The following PBX3 variants were observed in gnomAD, a reference collection of about 807,000 sequenced individuals.
PBX3 encodes pre-B-cell leukemia transcription factor 3.
Under a neutral mutation model 48.5 loss-of-function variants are expected in PBX3, and 14 were observed. The ratio of observed to expected loss-of-function variants is 0.29; its 90% CI spans 0.19 to 0.45. The LOEUF (loss-of-function observed/expected upper bound fraction) is 0.45. Among genes scored for constraint, PBX3 ranks in the 20% least tolerant of loss-of-function variants. The pLI is 1.00. For missense variants in PBX3, 386 were observed against 546.7 expected, an observed-to-expected ratio of 0.71 and a Z score of 2.93; for synonymous variants, 210 against 200.3, an observed-to-expected ratio of 1.05 and a Z score of -0.41.
At chr9:125,791,915 C>G (rs78691265) in intron 2 of PBX3, among the ~76,000 whole-genome samples, 5,458 of 152,038 alleles carry the variant, frequency 0.036, 345 homozygotes, top group African/African-American at 0.12. Flanking sequence ...TTCCTTAAGC[C>G]TCTCCAGCCG....
At chr9:125,803,000 A>G (rs1838009659) in intron 2 of PBX3, among the ~76,000 whole-genome samples, 2 of 151,406 alleles carry the variant, frequency 1.3e-5, no homozygotes, top group African/African-American at 2.4e-5. Flanking sequence ...AGAAGATACA[A>G]TGATACTCTG....
rs768034446 is a variant in PBX3 at position 125,866,865 on chromosome 9, A to G, written c.275-48821A>G. Among the ~76,000 whole-genome samples the G allele has an allele frequency of 3.3e-5, 5 of 152,156 alleles. No homozygotes were observed. The South Asian group carries it at 8.3e-4, about 25-fold the overall frequency. On this transcript the variant is annotated intron_variant, in intron 2 of 8. Coordinates refer to ENST00000373489, the MANE Select transcript of PBX3 (RefSeq NM_006195.6). ...CTTTGGTGATTTCCATGGTACCTCA[A>G]TACTGAATTTGATTACTCTTTGATT... is the stretch of plus-strand genomic sequence containing the variant.
chr9:125,795,003 C>A (rs75759301), intron 2 of PBX3, among the ~76,000 whole-genome samples: 3,066 of 152,320 alleles, frequency 0.02, 174 homozygotes, highest in East Asian at 0.17. Flanking sequence ...CTCCGGCAGA[C>A]CAGCCTTTTA....
intron 5 of PBX3, among the ~76,000 whole-genome samples, chr9:125,951,115 C>G (rs1278529608): frequency 2.0e-5 from 3 of 152,114 alleles, no homozygotes; most frequent in Non-Finnish European, 2.9e-5. Context: ...ATAATACATG[C>G]AAAGTTCCTA....
At chr9:125,818,017 A>G (rs1384780431) in intron 2 of PBX3, among the ~76,000 whole-genome samples, 1 of 152,142 alleles carries the variant, frequency 6.6e-6, no homozygotes, top group Non-Finnish European at 1.5e-5. Flanking sequence ...ACTGGCCAAC[A>G]TGGTGACATC....
intron 2 of PBX3, among the ~76,000 whole-genome samples, chr9:125,755,184 T>A (rs1289935379): frequency 2.6e-5 from 4 of 152,090 alleles, no homozygotes; most frequent in Non-Finnish European, 5.9e-5. Context: ...CATTAAAAAA[T>A]TCATAAATTT....
At chr9:125,862,631 C>T (rs375194231) in intron 2 of PBX3, among the ~76,000 whole-genome samples, 10 of 152,054 alleles carry the variant, frequency 6.6e-5, no homozygotes, top group Admixed American at 3.3e-4. Flanking sequence ...GTGATCAGCC[C>T]GCCTTGGACT....
At chr9:125,815,879 C>T (rs1032831661) in intron 2 of PBX3, among the ~76,000 whole-genome samples, 1 of 152,128 alleles carries the variant, frequency 6.6e-6, no homozygotes, top group African/African-American at 2.4e-5. Context: ...ATTTGGGCCT[C>T]CTTCACTGTG....
chr9:125,865,146 G>A (rs991882991), intron 2 of PBX3: 13 of 164,302 alleles, frequency 7.9e-5, no homozygotes, highest in Admixed American at 6.5e-4. Flanking sequence ...GAAAGCTCTG[G>A]AATCTTCATG....
chr9:125,839,300 A>G (rs1839222853), intron 2 of PBX3, among the ~76,000 whole-genome samples: 1 of 152,230 alleles, frequency 6.6e-6, no homozygotes, highest in Admixed American at 6.5e-5. Context: ...GTTAAATCTC[A>G]TTCATTGTTG....
At chr9:125,763,826 CAG>C (rs1264166681) in intron 2 of PBX3, among the ~76,000 whole-genome samples, 1 of 152,154 alleles carries the variant, frequency 6.6e-6, no homozygotes, top group Non-Finnish European at 1.5e-5. Flanking sequence ...AGAGGTCACA[CAG>C]AGTACATTAT....
At chr9:125,761,829 A>G (rs1002004274) in intron 2 of PBX3, among the ~76,000 whole-genome samples, 4 of 152,172 alleles carry the variant, frequency 2.6e-5, no homozygotes, top group African/African-American at 9.7e-5. Flanking sequence ...TTATTAGTAT[A>G]AAGAGGGTCA....
intron 2 of PBX3, among the ~76,000 whole-genome samples, chr9:125,784,821 C>T (rs777760812): frequency 4.6e-5 from 6 of 129,178 alleles, no homozygotes; most frequent in Non-Finnish European, 8.8e-5. Flanking sequence ...TCATTTACGA[C>T]TGTGCCTTAG....
chr9:125,802,029 C>T (rs1218463943), intron 2 of PBX3, among the ~76,000 whole-genome samples: 1 of 152,094 alleles, frequency 6.6e-6, no homozygotes, highest in Non-Finnish European at 1.5e-5. Flanking sequence ...TGCCACTGCA[C>T]CCAGCCTAGG....
intron 2 of PBX3, among the ~76,000 whole-genome samples, chr9:125,782,969 G>C (rs1837361948): frequency 6.6e-6 from 1 of 152,008 alleles, no homozygotes; most frequent in South Asian, 2.1e-4. Context: ...TGCTTCTCTT[G>C]CTGTTTTCAA....
chr9:125,949,184 G>A (rs1008488302), intron 5 of PBX3, among the ~76,000 whole-genome samples: 2 of 152,194 alleles, frequency 1.3e-5, no homozygotes, highest in African/African-American at 4.8e-5. Flanking sequence ...TATTAACAGT[G>A]TGACCTTGAG....
intron 2 of PBX3, among the ~76,000 whole-genome samples, chr9:125,897,844 C>G (rs1049442358): frequency 2.0e-5 from 3 of 151,858 alleles, no homozygotes; most frequent in Non-Finnish European, 2.9e-5. Context: ...GCCGACTTAA[C>G]TAAGCCCTAA....
At chr9:125,906,653 T>C (rs1406232387) in intron 2 of PBX3, among the ~76,000 whole-genome samples, 1 of 152,002 alleles carries the variant, frequency 6.6e-6, no homozygotes, top group African/African-American at 2.4e-5. Flanking sequence ...TTAATTCAAG[T>C]GGGGTCTAGT....
At chr9:125,850,565 TTAAG>T (rs372066337) in intron 2 of PBX3, among the ~76,000 whole-genome samples, 23 of 152,034 alleles carry the variant, frequency 1.5e-4, no homozygotes, top group African/African-American at 5.1e-4. Context: ...GTAGTAGTCT[TTAAG>T]TAAGGTAGGA....
Sources: allele counts gnomAD v4.1 joint callset (sites outside exome capture counted in the v4.1 genomes callset), GRCh38; gene constraint gnomAD v4.1.1; transcripts MANE v1.5; gene names NCBI Gene and HGNC (gene_info 2026-07-23, HGNC 2026-07-21).